Variants in GLYAT observed in about 807,000 individuals in gnomAD.
GLYAT encodes the protein glycine-N-acyltransferase.
In GLYAT, 25 loss-of-function variants were observed where a neutral mutation model predicts 22.8. The observed-to-expected ratio is 1.09, with a 90% confidence interval of 0.80 to 1.53. The LOEUF (loss-of-function observed/expected upper bound fraction) is 1.53. Ranked by LOEUF, GLYAT falls within the 40% of genes most tolerant of loss-of-function variation. The pLI is 0.00. For synonymous variants in GLYAT, 140 were observed against 122.7 expected, an observed-to-expected ratio of 1.14 and a Z score of -0.93; for missense variants, 411 against 353.9, an observed-to-expected ratio of 1.16 and a Z score of -1.29.
intron 1 of GLYAT, among the ~76,000 whole-genome samples, chr11:58,727,120 T>C (rs1212706175): frequency 6.6e-6 from 1 of 152,138 alleles, no homozygotes; most frequent in Non-Finnish European, 1.5e-5. Context: ...AAAAAGCATA[T>C]GTTAAATCAT....
chr11:58,731,635 T>G (rs999253899), intron 1 of GLYAT, among the ~76,000 whole-genome samples, 200 bp downstream of exon 1: 1 of 152,218 alleles, frequency 6.6e-6, no homozygotes, highest in Non-Finnish European at 1.5e-5. Flanking sequence ...ATTACCATTA[T>G]GAAGCAAATT....
intron 2 of GLYAT, among the ~76,000 whole-genome samples, chr11:58,717,121 T>A (rs1453055424): frequency 6.6e-6 from 1 of 151,772 alleles, no homozygotes; most frequent in Non-Finnish European, 1.5e-5. Flanking sequence ...TTTAGGGATT[T>A]GGGGGGGCCC....
chr11:58,709,982 A>G lies in GLYAT; in HGVS notation c.675T>C (p.Thr225=). ...AGGTGCCTGCCATTCTCATCTCTCCAGTCTGGTCCATTAGATCCCAGCACA... is the reference window on the plus strand; with the variant it reads ...AGGTGCCTGCCATTCTCATCTCTCCGGTCTGGTCCATTAGATCCCAGCACA... ...TPVCWDLMDQ[T]GEMRMAGTLP... Residue 225 remains threonine, a synonymous_variant, in exon 6 of 6, where the codon ACT becomes ACC. Transcript: ENST00000344743. 6.2e-7 allele frequency: 1 copy of G among 1,614,092 alleles called. No individual in the cohort carries two copies. The highest frequency in any genetic ancestry group is 8.5e-7 in the Non-Finnish European group (1 of 1,179,972).
intron 4 of GLYAT, among the ~76,000 whole-genome samples, chr11:58,712,049 A>G (rs1856622690): frequency 6.6e-6 from 1 of 152,226 alleles, no homozygotes; most frequent in Non-Finnish European, 1.5e-5. Context: ...GCAATCAGCC[A>G]TGGTCCACCC....
Position 58,712,652 on chromosome 11 carries a change from T to C in GLYAT, c.316+108A>G, listed in dbSNP as rs548028778. 5.2e-4 allele frequency: 489 copies of C among 947,378 alleles called. 2 individuals carry two copies. In the African/African-American group the frequency reaches 6.8e-3, roughly 13 times the overall value. 58.7% of individuals were successfully genotyped at this position (947,378 alleles called of 1,614,324 possible). On this transcript the variant is annotated intron_variant, in intron 4 of 5. Coordinates refer to ENST00000344743, the MANE Select transcript of GLYAT (RefSeq NM_201648.3). ...TATAGTTACCACACAGTAACAAAAT[T>C]GACAGCAGGCTGGGAGTCTGGAGCT...
intron 1 of GLYAT, among the ~76,000 whole-genome samples, chr11:58,730,930 T>C (rs1381643946): frequency 2.0e-4 from 30 of 152,046 alleles, no homozygotes; most frequent in Admixed American, 2.0e-3. Flanking sequence ...ACAGACATAA[T>C]ATATAATATG....
Position 58,709,102 on chromosome 11 carries a change from G to A in GLYAT, c.*664C>T, listed in dbSNP as rs1856576630. On this transcript the variant is annotated 3_prime_UTR_variant, in exon 6 of 6. Coordinates refer to ENST00000344743, the MANE Select transcript of GLYAT (RefSeq NM_201648.3). ...AACACAAAACTTTCTGTATTATTTA[G>A]GAGTTGTGGGTTTTGGAAGCTCATC... The A allele has an allele frequency of 6.6e-6, 1 of 152,176 alleles. No individual in the cohort carries two copies. Among genetic ancestry groups the A allele is most frequent in the Non-Finnish European group, 1.5e-5 (1 of 68,038 alleles). 9.4% of individuals were successfully genotyped at this position (152,176 alleles called of 1,614,324 possible).
rs757165153 is a variant in GLYAT, at chr11:58,710,164, G to A, written c.493C>T (p.Gln165Ter). Residue 165 changes from glutamine to a stop codon, truncating the protein, a stop_gained, in exon 6 of 6, where the codon CAA becomes TAA. Coordinates refer to ENST00000344743, the MANE Select transcript of GLYAT (RefSeq NM_201648.3). LOFTEE classifies it low-confidence loss of function (END_TRUNC). ...PNGGKPKAINQEMFKLSSMDV... is the reference protein window; with the variant it reads ...PNGGKPKAIN ...ATGGATGAGAGTTTAAACATCTCTT[G>A]GTTGCTATGGAGGGTCCAAGAAGAA... The A allele has an allele frequency of 2.5e-6, 4 of 1,610,846 alleles. No individual in the cohort carries two copies. The highest frequency in any genetic ancestry group is 3.4e-6 in the Non-Finnish European group (4 of 1,178,124).
At chr11:58,725,714 G>A (rs1169573857) in intron 1 of GLYAT, among the ~76,000 whole-genome samples, 2 of 152,150 alleles carry the variant, frequency 1.3e-5, no homozygotes, top group Admixed American at 1.3e-4. Context: ...AGTGCATTTG[G>A]AAGGGGGCCA....
chr11:58,721,425 TA>T (rs935571892), intron 2 of GLYAT, among the ~76,000 whole-genome samples: 32 of 150,862 alleles, frequency 2.1e-4, no homozygotes, highest in East Asian at 5.8e-4. Flanking sequence ...CTATTTTAGT[TA>T]AAAAAAAATC....
chr11:58,713,131 G>A lies in GLYAT; in HGVS notation c.190-245C>T, dbSNP rs142958605. ...AATAATTATTATTTCCATGTGTTGA[G>A]AACATTTCAAGTCCTCCTTCAATCT... On this transcript the variant is annotated intron_variant, in intron 3 of 5. Coordinates refer to ENST00000344743, the MANE Select transcript of GLYAT (RefSeq NM_201648.3). Among the ~76,000 whole-genome samples, 159 of 152,138 alleles carry A rather than the reference G, an allele frequency of 1.0e-3. 2 individuals carry two copies. The South Asian group carries it at 0.02, about 19-fold the overall frequency.
chr11:58,727,593 C>T (rs1328777784), intron 1 of GLYAT, among the ~76,000 whole-genome samples: 2 of 151,966 alleles, frequency 1.3e-5, no homozygotes, highest in Non-Finnish European at 2.9e-5. Flanking sequence ...AGTGCAGACC[C>T]GAAGGTCCTT....
Position 58,710,571 on chromosome 11 carries a change from T to C in GLYAT, c.488+19A>G, listed in dbSNP as rs764349751. 6.4e-7 allele frequency: 1 copy of C among 1,571,002 alleles called. No individual in the cohort carries two copies. Among genetic ancestry groups the C allele is most frequent in the Admixed American group, 1.7e-5 (1 of 59,958 alleles). On this transcript the variant is annotated intron_variant, in intron 5 of 5. Coordinates refer to ENST00000344743, the MANE Select transcript of GLYAT (RefSeq NM_201648.3). ...CTTGAGAGGTGTGAGTGGTATAGACTGGATTTTATCAAACTCACATGGCCT... is the reference window on the plus strand; with the variant it reads ...CTTGAGAGGTGTGAGTGGTATAGACCGGATTTTATCAAACTCACATGGCCT...
chr11:58,729,195 A>C (rs1856846805), intron 1 of GLYAT, among the ~76,000 whole-genome samples: 1 of 152,058 alleles, frequency 6.6e-6, no homozygotes, highest in Non-Finnish European at 1.5e-5. Flanking sequence ...TTCTACATTT[A>C]TTCTCAGTTT....
rs1856605217 is a variant in GLYAT, at chr11:58,710,717, T to C, written c.361A>G (p.Ile121Val). ...GTTTGTTTGACTTTGAAGGACTTAA[T>C]GGCTGCAAGATTTTGTATAGCCTCA... ...LNEAIQNLAA[I>V]KSFKVKQTQR... The change falls in exon 5 of 6, where the codon ATT becomes GTT. Residue 121 changes from isoleucine to valine, a missense_variant. Transcript: ENST00000344743. 6.2e-7 allele frequency: 1 copy of C among 1,613,068 alleles called. No homozygotes were observed. Among genetic ancestry groups the C allele is most frequent in the African/African-American group, 1.3e-5 (1 of 74,890 alleles).
intron 3 of GLYAT, among the ~76,000 whole-genome samples, chr11:58,713,478 A>T (rs1856641580): frequency 6.6e-6 from 1 of 152,164 alleles, no homozygotes; most frequent in Non-Finnish European, 1.5e-5. Context: ...ATTTTACTAC[A>T]GTTCAAAGAC....
At chr11:58,727,813 C>A (rs1856825133) in intron 1 of GLYAT, among the ~76,000 whole-genome samples, 1 of 152,096 alleles carries the variant, frequency 6.6e-6, no homozygotes, top group Admixed American at 6.5e-5. Context: ...AGCATGCATA[C>A]AATTCCAGTA....
intron 2 of GLYAT, among the ~76,000 whole-genome samples, chr11:58,722,125 T>C (rs1290008039): frequency 6.6e-6 from 1 of 152,076 alleles, no homozygotes; most frequent in Non-Finnish European, 1.5e-5. Flanking sequence ...AGGGATTCTC[T>C]GGAGGGGATG....
intron 1 of GLYAT, among the ~76,000 whole-genome samples, chr11:58,728,265 G>A (rs1197987898): frequency 1.3e-5 from 2 of 151,894 alleles, no homozygotes; most frequent in Non-Finnish European, 2.9e-5. Flanking sequence ...GTTTCACCAT[G>A]TTTGTCAGGC....
Sources: gnomAD v4.1 joint callset for allele counts (sites outside exome capture counted in the v4.1 genomes callset) on GRCh38, gnomAD v4.1.1 for gene constraint, MANE v1.5 for transcripts, NCBI Gene and HGNC (gene_info 2026-07-23, HGNC 2026-07-21) for gene names.